Variants in HS3ST4 observed in about 807,000 individuals in gnomAD.
HS3ST4 encodes the protein heparan sulfate glucosamine 3-O-sulfotransferase 4.
Under a neutral mutation model 29.2 loss-of-function variants are expected in HS3ST4, and 17 were observed. That is an observed-to-expected ratio of 0.58 (90% CI 0.40 to 0.87). The LOEUF (loss-of-function observed/expected upper bound fraction) is 0.87, where lower values mean the gene tolerates loss of function less well. Ranked by LOEUF, HS3ST4 falls within the 40% of genes least tolerant of loss-of-function variation. HS3ST4 has a pLI of 0.00. For synonymous variants in HS3ST4, 314 were observed against 285.7 expected, an observed-to-expected ratio of 1.10 and a Z score of -1.00; for missense variants, 627 against 634.5, an observed-to-expected ratio of 0.99 and a Z score of 0.13.
intron 1 of HS3ST4, among the ~76,000 whole-genome samples, chr16:26,058,228 A>G (rs1898432777): frequency 6.6e-6 from 1 of 152,246 alleles, no homozygotes; most frequent in Non-Finnish European, 1.5e-5. Flanking sequence ...AAAGGGGCTG[A>G]GCCAGGGGCT....
chr16:25,766,188 G>T (rs543181590), intron 1 of HS3ST4, among the ~76,000 whole-genome samples: 1 of 152,092 alleles, frequency 6.6e-6, no homozygotes, highest in Admixed American at 6.6e-5. Flanking sequence ...AGTGTCTTAT[G>T]CTGTGAACTG....
intron 1 of HS3ST4, among the ~76,000 whole-genome samples, chr16:26,016,458 G>A (rs943396492): frequency 2.6e-5 from 4 of 152,186 alleles, no homozygotes; most frequent in African/African-American, 7.2e-5. Context: ...CAAGGAGAAT[G>A]TTTCCATTTG....
At chr16:25,856,564 T>C (rs1242348140) in intron 1 of HS3ST4, among the ~76,000 whole-genome samples, 2 of 152,160 alleles carry the variant, frequency 1.3e-5, no homozygotes, top group Non-Finnish European at 2.9e-5. Context: ...GTCCAATCTT[T>C]TGACTTCCTG....
chr16:25,842,693 T>C (rs1055317373), intron 1 of HS3ST4, among the ~76,000 whole-genome samples: 21 of 152,202 alleles, frequency 1.4e-4, no homozygotes, highest in Non-Finnish European at 4.4e-5. Flanking sequence ...CAGGGACCAA[T>C]AGCTATTTTG....
At chr16:25,758,383 G>A (rs533083118) in intron 1 of HS3ST4, among the ~76,000 whole-genome samples, 69 of 152,232 alleles carry the variant, frequency 4.5e-4, no homozygotes, top group Admixed American at 7.2e-4. Context: ...CCATAGCTTT[G>A]TAGTTTTAAC....
intron 1 of HS3ST4, among the ~76,000 whole-genome samples, chr16:25,798,428 C>T (rs1272403034): frequency 6.6e-6 from 1 of 152,192 alleles, no homozygotes; most frequent in African/African-American, 2.4e-5. Context: ...TAATAGAGCT[C>T]CCCTCATCTG....
At position 25,824,510 on chromosome 16, in the gene HS3ST4, G is replaced by A. The variant is rs550064403; in HGVS notation, c.734+131359G>A. On this transcript the variant is annotated intron_variant, in intron 1 of 1. Transcript: ENST00000331351. ...TGGCAGCAGGCAAGAGAGCTTGTGCGGGGGAGCTCCTCTTATAAAATCATC... is the reference window on the plus strand; with the variant it reads ...TGGCAGCAGGCAAGAGAGCTTGTGCAGGGGAGCTCCTCTTATAAAATCATC... 9.9e-5 allele frequency among the ~76,000 whole-genome samples: 15 copies of A among 152,278 alleles called. No individual in the cohort carries two copies. The East Asian group carries it at 2.1e-3, about 22-fold the overall frequency.
At position 26,086,459 on chromosome 16, in the gene HS3ST4, C is replaced by G. The variant is rs184421030; in HGVS notation, c.735-49153C>G. On this transcript the variant is annotated intron_variant, in intron 1 of 1. Transcript: ENST00000331351. The stretch of plus-strand genomic sequence containing the variant: ...CCGCCTCCCAAGTTCATGCCATTCT[C>G]CTGCCTCAGCCTCCCGAGTAGCTGG... Among the ~76,000 whole-genome samples, 890 of 152,090 alleles carry G rather than the reference C, an allele frequency of 5.9e-3. 7 individuals carry two copies. Among genetic ancestry groups the G allele is most frequent in the African/African-American group, 0.018 (752 of 41,462 alleles).
At chr16:25,769,428 G>T (rs938576863) in intron 1 of HS3ST4, among the ~76,000 whole-genome samples, 1 of 152,188 alleles carries the variant, frequency 6.6e-6, no homozygotes, top group African/African-American at 2.4e-5. Context: ...GGGAGGACTA[G>T]GGGTCTTCAG....
At chr16:25,742,884 G>T (rs541467390) in intron 1 of HS3ST4, among the ~76,000 whole-genome samples, 1 of 152,286 alleles carries the variant, frequency 6.6e-6, no homozygotes, top group Non-Finnish European at 1.5e-5. Flanking sequence ...TGACAAATTT[G>T]TGCCTCTGAT....
chr16:26,114,816 G>T (rs985853971), intron 1 of HS3ST4, among the ~76,000 whole-genome samples: 1 of 152,098 alleles, frequency 6.6e-6, no homozygotes, highest in African/African-American at 2.4e-5. Flanking sequence ...CAATTTACCA[G>T]TATCTTAAGA....
intron 1 of HS3ST4, among the ~76,000 whole-genome samples, chr16:26,073,193 T>TGCCAATTTCAC (rs1335059971): frequency 6.6e-6 from 1 of 152,210 alleles, no homozygotes; most frequent in Non-Finnish European, 1.5e-5. Flanking sequence ...CACCATTTTA[T>TGCCAATTTCAC]GCCAATTTCA....
chr16:25,844,106 AAT>A (rs1188785401), intron 1 of HS3ST4, among the ~76,000 whole-genome samples: 5 of 152,350 alleles, frequency 3.3e-5, no homozygotes, highest in South Asian at 2.1e-4. Flanking sequence ...CTCCCAAATA[AAT>A]ATATGTTTAT....
intron 1 of HS3ST4, among the ~76,000 whole-genome samples, chr16:25,937,225 G>T (rs1203254534): frequency 6.6e-6 from 1 of 152,014 alleles, no homozygotes; most frequent in Non-Finnish European, 1.5e-5. Context: ...GTAACTGTGG[G>T]GTGAGTTAAT....
chr16:25,797,442 G>C (rs541394452), intron 1 of HS3ST4, among the ~76,000 whole-genome samples: 113 of 152,262 alleles, frequency 7.4e-4, no homozygotes, highest in Non-Finnish European at 1.3e-3. Context: ...AGAACAAATA[G>C]TACCTTATTC....
intron 1 of HS3ST4, among the ~76,000 whole-genome samples, chr16:26,131,144 C>A (rs1368152813): frequency 6.6e-6 from 1 of 152,184 alleles, no homozygotes; most frequent in Non-Finnish European, 1.5e-5. Flanking sequence ...CTGAGCACTT[C>A]TTTCTGTGTT....
At chr16:25,846,547 A>AT (rs1397297180) in intron 1 of HS3ST4, among the ~76,000 whole-genome samples, 1 of 151,756 alleles carries the variant, frequency 6.6e-6, no homozygotes, top group Non-Finnish European at 1.5e-5. Flanking sequence ...AAAAAAAAAA[A>AT]AGTTGTATTT....
chr16:25,697,093 C>T (rs1467649118), intron 1 of HS3ST4, among the ~76,000 whole-genome samples: 1 of 152,200 alleles, frequency 6.6e-6, no homozygotes, highest in East Asian at 1.9e-4. Context: ...AGCATATACC[C>T]TGTGTTCATT....
At chr16:25,731,445 A>G (rs4076669) in intron 1 of HS3ST4, among the ~76,000 whole-genome samples, 62,750 of 151,986 alleles carry the variant, frequency 0.41, 15,053 homozygotes, top group Admixed American at 0.52. Context: ...GACTCAAGCA[A>G]TCCTCCCACC....
Sources: gnomAD v4.1 joint callset for allele counts (sites outside exome capture counted in the v4.1 genomes callset) on GRCh38, gnomAD v4.1.1 for gene constraint, MANE v1.5 for transcripts, NCBI Gene and HGNC (gene_info 2026-07-23, HGNC 2026-07-21) for gene names.